PUS3: variants seen among roughly 807,000 people sequenced by gnomAD.
PUS3 encodes the protein tRNA pseudouridine(38/39) synthase.
A neutral mutation model predicts 43.3 loss-of-function variants in PUS3; 36 were observed. The ratio of observed to expected loss-of-function variants is 0.83; its 90% CI spans 0.64 to 1.10. The LOEUF (loss-of-function observed/expected upper bound fraction) is 1.10. PUS3 is among the 50% of genes least tolerant of loss of function. The pLI is 0.00. For synonymous variants in PUS3, 183 were observed against 199.2 expected, an observed-to-expected ratio of 0.92 and a Z score of 0.69; for missense variants, 544 against 589.9, an observed-to-expected ratio of 0.92 and a Z score of 0.81.
At position 125,897,522 on chromosome 11, in the gene PUS3, TA is replaced by T. The variant is rs367854387; in HGVS notation, c.-46-1193del. Among the ~76,000 whole-genome samples, 298 of 147,310 alleles carry T rather than the reference TA, an allele frequency of 2.0e-3. 1 individual carries two copies. Among genetic ancestry groups the T allele is most frequent in the Middle Eastern group, 6.9e-3 (2 of 288 alleles). ...ATATACATCAGTTTTAATGAAAAAG[TA>T]AAAAAAAAAAAAATCCAGCAACCTG... On this transcript the variant is annotated intron_variant, in intron 1 of 3. Transcript: ENST00000227474.
intron 1 of PUS3, chr11:125,900,283 C>T (rs1944730559): frequency 6.2e-7 from 1 of 1,612,396 alleles, no homozygotes; most frequent in Admixed American, 1.7e-5. Flanking sequence ...TTTTAAACTT[C>T]TTTCACAGGA....
At chr11:125,902,416 C>A (rs1944802327) in intron 1 of PUS3, among the ~76,000 whole-genome samples, 1 of 151,766 alleles carries the variant, frequency 6.6e-6, no homozygotes, top group Non-Finnish European at 1.5e-5. Flanking sequence ...GAGTTCGAGA[C>A]CAACCTGGGC....
chr11:125,902,825 G>A (rs909751358), intron 1 of PUS3, among the ~76,000 whole-genome samples: 2 of 151,762 alleles, frequency 1.3e-5, no homozygotes, highest in Non-Finnish European at 2.9e-5. Context: ...ATACTCCTGG[G>A]TTCTCAACTT....
chr11:125,893,675 T>TAAGAGCTGA lies in PUS3; in HGVS notation c.*109_*110insTCAGCTCTT. 2.5e-6 allele frequency: 2 copies of TAAGAGCTGA among 795,228 alleles called. No homozygotes were observed. Among genetic ancestry groups the TAAGAGCTGA allele is most frequent in the Non-Finnish European group, 1.9e-6 (1 of 539,248 alleles). The allele number at this position is 795,228 out of a possible 1,614,324, so 49.3% of individuals were successfully genotyped here. Reference sequence around the variant, plus strand: ...TAGTCTTTTTGCTTTTTTTTTTCTTTTAAGAGCTGATCATCTGAATTCCTA... The same window carrying TAAGAGCTGA: ...TAGTCTTTTTGCTTTTTTTTTTCTTTAAGAGCTGATAAGAGCTGATCATCTGAATTCCTA... On this transcript the variant is annotated 3_prime_UTR_variant, in exon 4 of 4. Coordinates refer to ENST00000227474, the MANE Select transcript of PUS3 (RefSeq NM_031307.4).
Position 125,895,275 on chromosome 11 carries a change from A to G in PUS3, c.893T>C (p.Ile298Thr). ...LIGQGMEKPEIIDELLNIEKN... is the reference protein window; with the variant it reads ...LIGQGMEKPETIDELLNIEKN... ...CTCTATATTCAGCAGCTCATCAATA[A>G]TCTCTGGCTTCTCCATTCCTTGGCC... Residue 298 changes from isoleucine (I) to threonine (T), a missense_variant, in exon 3 of 4, where the codon ATT (isoleucine) becomes ACT (threonine). Physicochemically the swap from Ile to Thr is moderately conservative, Grantham distance 89. Transcript: ENST00000227474. 1 of 1,609,370 alleles carries G rather than the reference A, an allele frequency of 6.2e-7. No individual in the cohort carries two copies.
chr11:125,895,072 A>C, intron 3 of PUS3, 152 bp downstream of exon 3: 1 of 498,182 alleles, frequency 2.0e-6, no homozygotes. Flanking sequence ...TTTTTAAGAC[A>C]GTCTCCCTCT....
At chr11:125,894,747 T>C (rs952917171) in intron 3 of PUS3, among the ~76,000 whole-genome samples, 7 of 152,190 alleles carry the variant, frequency 4.6e-5, no homozygotes, top group African/African-American at 1.7e-4. Context: ...CTCAGTGATA[T>C]AAAACAAGCA....
chr11:125,903,121 T>C, intron 1 of PUS3, 49 bp downstream of exon 1: 1 of 890,274 alleles, frequency 1.1e-6, no homozygotes, highest in Admixed American at 6.2e-5. Flanking sequence ...ATTTGTCCCT[T>C]CCCCTGTGGA....
At chr11:125,902,343 C>A in intron 1 of PUS3, among the ~76,000 whole-genome samples, 1 of 145,768 alleles carries the variant, frequency 6.9e-6, no homozygotes, top group South Asian at 2.3e-4. Flanking sequence ...GCCTGTCATC[C>A]CAACATTTTG....
At position 125,893,715 on chromosome 11, in the gene PUS3, A is replaced by ATT. The variant is rs35423925; in HGVS notation, c.*68_*69dup. 3.1e-3 allele frequency: 3,256 copies of ATT among 1,038,642 alleles called. No individual in the cohort carries two copies. The highest frequency in any genetic ancestry group is 3.5e-3 in the Non-Finnish European group (2,703 of 772,654). 64.3% of individuals were successfully genotyped at this position (1,038,642 alleles called of 1,614,324 possible). On this transcript the variant is annotated 3_prime_UTR_variant, in exon 4 of 4. Transcript: ENST00000227474. ...CTGAATTCCTAGTACTTGCAAGTAA[A>ATT]TTTTTTTTTTTTTCCTTTTCTGTCC...
rs200569151 is a variant in PUS3 at position 125,896,124 on chromosome 11, G to A, written c.161C>T (p.Ala54Val). Residue 54 changes from alanine to valine, a missense_variant, in exon 2 of 4, where the codon GCA becomes GTA. Coordinates refer to ENST00000227474, the MANE Select transcript of PUS3 (RefSeq NM_031307.4). ...NSAGAGKTKR[A>V]FDFSAHGRRH... ...TCGGCCATGAGCACTGAAATCAAAT[G>A]CACGCTTAGTTTTTCCAGCTCCTGC... 22 of 1,614,052 alleles carry A rather than the reference G, an allele frequency of 1.4e-5. No individual in the cohort carries two copies. The highest frequency in any genetic ancestry group is 1.9e-5 in the Non-Finnish European group (22 of 1,180,020).
chr11:125,896,278 A>C lies in PUS3; in HGVS notation c.7T>G (p.Tyr3Asp), dbSNP rs622756. 0.87 allele frequency: 1,388,038 copies of C among 1,599,238 alleles called. 604,916 individuals are homozygous for C. The highest frequency in any genetic ancestry group is 0.91 in the Admixed American group (54,479 of 59,780). Residue 3 changes from tyrosine (Y) to aspartate (D), a missense_variant, in exon 2 of 4, where the codon TAT becomes GAT. Tyr to Asp is a radical substitution (Grantham distance 160). Coordinates refer to ENST00000227474, the MANE Select transcript of PUS3 (RefSeq NM_031307.4). MA[Y>D]NDTDRNQTEK... Reference sequence around the variant, plus strand: ...GTCTGGTTTCTGTCTGTGTCATTATAAGCCATGATATGACAACCCCAGGAA... The same window carrying C: ...GTCTGGTTTCTGTCTGTGTCATTATCAGCCATGATATGACAACCCCAGGAA...
chr11:125,901,163 A>T (rs1234913114), intron 1 of PUS3, among the ~76,000 whole-genome samples: 1 of 152,204 alleles, frequency 6.6e-6, no homozygotes, highest in Non-Finnish European at 1.5e-5. Flanking sequence ...CCAAAACAGT[A>T]CCATATAACA....
In PUS3 at chr11:125,896,259, T is replaced by A. The variant is rs1465718978; in HGVS notation, c.26A>T (p.Asn9Ile). The stretch of plus-strand genomic sequence containing the variant: ...TCTTTTTAGGAGCTTCTCAGTCTGG[T>A]TTCTGTCTGTGTCATTATAAGCCAT... MAYNDTDR[N>I]QTEKLLKRVR... The change falls in exon 2 of 4, where the codon AAC (asparagine) becomes ATC (isoleucine). Residue 9 changes from asparagine to isoleucine, a missense_variant. Asn to Ile is a moderately radical substitution (Grantham distance 149, BLOSUM62 -3). Coordinates refer to ENST00000227474, the MANE Select transcript of PUS3 (RefSeq NM_031307.4). The A allele has an allele frequency of 6.2e-7, 1 of 1,612,062 alleles. No individual in the cohort carries two copies. The highest frequency in any genetic ancestry group is 8.5e-7 in the Non-Finnish European group (1 of 1,178,396).
chr11:125,899,391 G>A, intron 1 of PUS3: 1 of 1,614,176 alleles, frequency 6.2e-7, no homozygotes, highest in Non-Finnish European at 8.5e-7. Flanking sequence ...CTACCTGATG[G>A]ACAAATATGG....
At chr11:125,894,351 TA>T in intron 3 of PUS3, 65 bp from the exon 4 acceptor site, 3 of 1,386,642 alleles carry the variant, frequency 2.2e-6, no homozygotes, top group Non-Finnish European at 2.9e-6. Context: ...CTTTAAAAAC[TA>T]AGGGTTAGTT....
Position 125,896,204 on chromosome 11 carries a change from T to C in PUS3, c.81A>G (p.Arg27=). The C allele has an allele frequency of 6.2e-7, 1 of 1,614,210 alleles. No individual in the cohort carries two copies. Among genetic ancestry groups the C allele is most frequent in the African/African-American group, 1.3e-5 (1 of 75,052 alleles). Reference sequence around the variant, plus strand: ...TATTTTTGGCCTGTTCCTTTTTAAGTCTTTGCACCTCTTGCTCCAGTTCTC... The same window carrying C: ...TATTTTTGGCCTGTTCCTTTTTAAGCCTTTGCACCTCTTGCTCCAGTTCTC... ...RVRELEQEVQ[R]LKKEQAKNKE... The change falls in exon 2 of 4, where the codon AGA becomes AGG. Residue 27 remains arginine, a synonymous_variant. Coordinates refer to ENST00000227474, the MANE Select transcript of PUS3 (RefSeq NM_031307.4).
intron 1 of PUS3, chr11:125,899,821 A>G: frequency 6.2e-7 from 1 of 1,614,216 alleles, no homozygotes; most frequent in Non-Finnish European, 8.5e-7. Flanking sequence ...TTGATGTTTC[A>G]CAAAAATTTA....
chr11:125,903,177 C>G lies in PUS3; in HGVS notation c.-54G>C. ...CAAAAATCCCACACTTACTTTCCGGCAGCCGGCCGCGCCGCGTTTCCGAGA... is the reference window on the plus strand; with the variant it reads ...CAAAAATCCCACACTTACTTTCCGGGAGCCGGCCGCGCCGCGTTTCCGAGA... On this transcript the variant is annotated 5_prime_UTR_variant, in exon 1 of 4. Coordinates refer to ENST00000227474, the MANE Select transcript of PUS3 (RefSeq NM_031307.4). 1.0e-6 allele frequency: 1 copy of G among 985,486 alleles called. No homozygotes were observed. The highest frequency in any genetic ancestry group is 1.2e-6 in the Non-Finnish European group (1 of 829,944). 61.0% of individuals were successfully genotyped at this position (985,486 alleles called of 1,614,324 possible).
Sources: gnomAD v4.1 joint callset for allele counts (sites outside exome capture counted in the v4.1 genomes callset) on GRCh38, gnomAD v4.1.1 for gene constraint, MANE v1.5 for transcripts, NCBI Gene and HGNC (gene_info 2026-07-23, HGNC 2026-07-21) for gene names.